ITGA1: variants seen among roughly 807,000 people sequenced by gnomAD.
ITGA1 encodes integrin alpha-1.
A neutral mutation model predicts 145.9 loss-of-function variants in ITGA1; 85 were observed. That is an observed-to-expected ratio of 0.58 (90% CI 0.49 to 0.70). The LOEUF is 0.70. ITGA1 is among the 30% of genes least tolerant of loss of function. The probability of loss-of-function intolerance (pLI) is 0.00; values close to 1 mark genes in which losing one functional copy is unlikely to be tolerated. For synonymous variants in ITGA1, 520 were observed against 495.3 expected (o/e 1.05, Z -0.66); for missense variants, 1,351 against 1,418.7 (o/e 0.95, Z 0.77).
chr5:52,856,833 G>T (rs1580064872), intron 2 of ITGA1, among the ~76,000 whole-genome samples: 1 of 152,224 alleles, frequency 6.6e-6, no homozygotes, highest in Non-Finnish European at 1.5e-5. Context: ...CAAGATTTTT[G>T]AGGATTGAAT....
intron 16 of ITGA1, among the ~76,000 whole-genome samples, chr5:52,919,515 A>G (rs1362641826): frequency 2.6e-5 from 4 of 152,162 alleles, no homozygotes; most frequent in Non-Finnish European, 5.9e-5. Flanking sequence ...AATCAAAGCT[A>G]TAAAGGCCAT....
chr5:52,829,709 T>C (rs1438673904), intron 1 of ITGA1, among the ~76,000 whole-genome samples: 1 of 152,162 alleles, frequency 6.6e-6, no homozygotes, highest in Non-Finnish European at 1.5e-5. Context: ...AAAAAGCATA[T>C]TTTTAGTATT....
intron 11 of ITGA1, among the ~76,000 whole-genome samples, chr5:52,901,626 A>T (rs1750315087): frequency 6.6e-6 from 1 of 152,202 alleles, no homozygotes; most frequent in Admixed American, 6.5e-5. Flanking sequence ...ATTATATGTG[A>T]TTAAATTCCT....
At chr5:52,795,685 A>G (rs1298997802) in intron 1 of ITGA1, among the ~76,000 whole-genome samples, 1 of 151,918 alleles carries the variant, frequency 6.6e-6, no homozygotes, top group Non-Finnish European at 1.5e-5. Flanking sequence ...TGTTAAAATG[A>G]GCTCTTGTCC....
chr5:52,868,497 G>A (rs966483476), intron 6 of ITGA1, among the ~76,000 whole-genome samples: 2 of 152,138 alleles, frequency 1.3e-5, no homozygotes, highest in Admixed American at 1.3e-4. Context: ...TTTCTGTGTT[G>A]AGAGTCCTAA....
Position 52,929,666 on chromosome 5 carries a change from C to T in ITGA1, c.2736C>T (p.Leu912=). Residue 912 remains leucine, a synonymous_variant, in exon 21 of 29, where the codon CTC becomes CTT. Transcript: ENST00000282588. ...TGTTTCAGTTTAACACATCCTATCTCATGGAAAATGTGACCATTTATTTAA... is the reference window on the plus strand; with the variant it reads ...TGTTTCAGTTTAACACATCCTATCTTATGGAAAATGTGACCATTTATTTAA... ...KILFQFNTSY[L]MENVTIYLSA... The T allele has an allele frequency of 6.3e-7, 1 of 1,591,128 alleles. No individual in the cohort carries two copies. Among genetic ancestry groups the T allele is most frequent in the East Asian group, 2.2e-5 (1 of 44,592 alleles).
rs1340588289 is a variant in ITGA1 at position 52,788,013 on chromosome 5, G to A, written c.-341G>A. On this transcript the variant is annotated 5_prime_UTR_variant, in exon 1 of 29. In the 5' UTR this introduces an upstream ATG that the reference lacks. Transcript: ENST00000282588. ...CCTTTAAGGTTTGCTTCTACAGCCC[G>A]TGGACTTTAGCCTAAACACGGACCC... 1.4e-5 allele frequency: 4 copies of A among 279,914 alleles called. No individual in the cohort carries two copies. Among genetic ancestry groups the A allele is most frequent in the Non-Finnish European group, 2.7e-5 (4 of 150,054 alleles). The allele number at this position is 279,914 out of a possible 1,614,324, so 17.3% of individuals were successfully genotyped here. A position where few individuals can be genotyped will look rare whatever the true frequency, so the allele number is the denominator to read the frequency against.
chr5:52,880,937 G>T (rs1375301747), intron 6 of ITGA1, among the ~76,000 whole-genome samples: 1 of 152,140 alleles, frequency 6.6e-6, no homozygotes, highest in African/African-American at 2.4e-5. Flanking sequence ...CATTACTGGG[G>T]CCAGGAGGCA....
At chr5:52,803,812 A>G (rs1390867432) in intron 1 of ITGA1, 1 of 152,186 alleles carries the variant, frequency 6.6e-6, no homozygotes, top group Non-Finnish European at 1.5e-5. Context: ...ACCTGTACCA[A>G]CATCTCTAGA....
At chr5:52,828,471 TATTA>T (rs1749004508) in intron 1 of ITGA1, among the ~76,000 whole-genome samples, 1 of 152,194 alleles carries the variant, frequency 6.6e-6, no homozygotes, top group Admixed American at 6.5e-5. Context: ...GAGAAATCTC[TATTA>T]ATATTTACTC....
At chr5:52,849,147 C>T (rs959808366) in intron 1 of ITGA1, among the ~76,000 whole-genome samples, 24 of 152,226 alleles carry the variant, frequency 1.6e-4, no homozygotes, top group African/African-American at 4.8e-4. Context: ...CTTGAGGAAT[C>T]GCCACACTGT....
chr5:52,911,584 AG>A, intron 14 of ITGA1, among the ~76,000 whole-genome samples: 1 of 62,612 alleles, frequency 1.6e-5, no homozygotes, highest in Non-Finnish European at 3.5e-5. Flanking sequence ...CTATATATAT[AG>A]TGTATCTACT....
chr5:52,820,644 A>G (rs1460425926), intron 1 of ITGA1, among the ~76,000 whole-genome samples: 3 of 152,020 alleles, frequency 2.0e-5, no homozygotes. Context: ...CATGGCTTCC[A>G]CCTACTGCTA....
chr5:52,838,301 C>A (rs1178707730), intron 1 of ITGA1, among the ~76,000 whole-genome samples: 6 of 152,088 alleles, frequency 3.9e-5, no homozygotes, highest in Non-Finnish European at 8.8e-5. Context: ...CTATTACATA[C>A]CATAGGAAAA....
chr5:52,881,598 C>T (rs544448761), intron 6 of ITGA1, among the ~76,000 whole-genome samples: 2 of 152,300 alleles, frequency 1.3e-5, no homozygotes, highest in East Asian at 3.9e-4. Context: ...CATATTCTAC[C>T]CACCAAGGCC....
At chr5:52,888,747 A>G (rs1207907258) in intron 8 of ITGA1, among the ~76,000 whole-genome samples, 1 of 152,216 alleles carries the variant, frequency 6.6e-6, no homozygotes, top group Non-Finnish European at 1.5e-5. Context: ...CTTCTCAGAC[A>G]TTAGTGCATT....
chr5:52,869,404 G>T (rs764452365), intron 6 of ITGA1, among the ~76,000 whole-genome samples: 1 of 152,118 alleles, frequency 6.6e-6, no homozygotes, highest in Non-Finnish European at 1.5e-5. Context: ...CAGATGATCC[G>T]CCTGCCTCGG....
At chr5:52,940,057 G>T (rs2111900824) in intron 26 of ITGA1, 113 bp downstream of exon 26, 1 of 709,630 alleles carries the variant, frequency 1.4e-6, no homozygotes, top group South Asian at 1.6e-5. Flanking sequence ...GCGACTGGAA[G>T]TATAAGAGGA....
In ITGA1 at chr5:52,886,569, C is replaced by A. The variant is rs140628201; in HGVS notation, c.774-1246C>A. 3.3e-5 allele frequency among the ~76,000 whole-genome samples: 5 copies of A among 152,226 alleles called. No homozygotes were observed. The East Asian group carries it at 9.7e-4, about 29-fold the overall frequency. On this transcript the variant is annotated intron_variant, in intron 7 of 28. Coordinates refer to ENST00000282588, the MANE Select transcript of ITGA1 (RefSeq NM_181501.2). ...CCAAAATCCTAGAAATATATGAAGT[C>A]TTTTCATTACTTTAGTCCTAAATAA...
Sources: gnomAD v4.1 joint callset for allele counts (sites outside exome capture counted in the v4.1 genomes callset) on GRCh38, gnomAD v4.1.1 for gene constraint, MANE v1.5 for transcripts, NCBI Gene and HGNC (gene_info 2026-07-23, HGNC 2026-07-21) for gene names.